DNMT3A: variants seen among roughly 807,000 people sequenced by gnomAD.
The protein encoded by DNMT3A is DNA (cytosine-5)-methyltransferase 3A.
DNMT3A carries 267 observed loss-of-function variants against 117.6 expected under a neutral mutation model. The ratio of observed to expected loss-of-function variants is 2.27; its 90% CI spans 2.05 to 2.51. The LOEUF is 2.51. DNMT3A is among the 30% of genes most tolerant of loss of function. DNMT3A has a pLI of 0.00. For synonymous variants in DNMT3A, 432 were observed against 474.8 expected, an observed-to-expected ratio of 0.91 and a Z score of 1.17; for missense variants, 1,029 against 1,260.2, an observed-to-expected ratio of 0.82 and a Z score of 2.78.
chr2:25,340,531 G>A (rs2035379681), intron 1 of DNMT3A, among the ~76,000 whole-genome samples: 1 of 151,998 alleles, frequency 6.6e-6, no homozygotes, highest in South Asian at 2.1e-4. Context: ...AGGGAAGGCA[G>A]GGCGGCCTGG....
chr2:25,329,024 C>T (rs1049949476), intron 1 of DNMT3A, among the ~76,000 whole-genome samples: 7 of 152,208 alleles, frequency 4.6e-5, no homozygotes, highest in Admixed American at 2.0e-4. Context: ...CCCAAAGGGT[C>T]TTCAGGGCTT....
intron 6 of DNMT3A, among the ~76,000 whole-genome samples, chr2:25,273,640 T>C (rs536784539): frequency 3.3e-5 from 5 of 152,306 alleles, no homozygotes; most frequent in Non-Finnish European, 7.3e-5. Context: ...GGCGAGTTGA[T>C]TTCCCTCCTC....
intron 1 of DNMT3A, among the ~76,000 whole-genome samples, chr2:25,323,924 TG>T (rs2034693718): frequency 6.6e-6 from 1 of 152,136 alleles, no homozygotes; most frequent in Non-Finnish European, 1.5e-5. Flanking sequence ...GGTCACACAG[TG>T]GGTAAGGGGT....
At position 25,230,329 on chromosome 2, in the gene DNMT3A, TAGGC is replaced by T. The variant is rs1227156486; in HGVS notation, c.*3946_*3949del. 4 of 152,140 alleles carry T rather than the reference TAGGC, an allele frequency of 2.6e-5. No individual in the cohort carries two copies. The highest frequency in any genetic ancestry group is 9.7e-5 in the African/African-American group (4 of 41,414). The allele number at this position is 152,140 out of a possible 1,614,324, so 9.4% of individuals were successfully genotyped here. A position where few individuals can be genotyped will look rare whatever the true frequency, so the allele number is the denominator to read the frequency against. ...GCCTGCTGGAAACTAGCTTCCTGCT[TAGGC>T]AGGAGGCCAAGGACTGTGTCCCCAG... On this transcript the variant is annotated 3_prime_UTR_variant, in exon 23 of 23. Coordinates refer to ENST00000321117, the MANE Select transcript of DNMT3A (RefSeq NM_022552.5).
chr2:25,273,667 T>C (rs1283688410), intron 6 of DNMT3A, among the ~76,000 whole-genome samples: 17 of 152,134 alleles, frequency 1.1e-4, no homozygotes, highest in Admixed American at 1.1e-3. Context: ...TCAGCCTCCA[T>C]TTTCTCACCT....
rs2033803104 is a variant in DNMT3A at position 25,306,797 on chromosome 2, T to A, written c.73-6554A>T. Among the ~76,000 whole-genome samples the A allele has an allele frequency of 6.6e-6, 1 of 152,180 alleles. No homozygotes were observed. The highest frequency in any genetic ancestry group is 2.4e-5 in the African/African-American group (1 of 41,438). ...ACCTACTGTGTACTGGATACAAAGA[T>A]AAACAAATAGGAAACTCGGTTCAGA... On this transcript the variant is annotated intron_variant, in intron 2 of 22. Coordinates refer to ENST00000321117, the MANE Select transcript of DNMT3A (RefSeq NM_022552.5). The surrounding 1 kb of genome is among the most constrained non-coding windows in gnomAD (Gnocchi z 4.1).
At chr2:25,268,415 C>T (rs2030561033) in intron 6 of DNMT3A, among the ~76,000 whole-genome samples, 2 of 152,186 alleles carry the variant, frequency 1.3e-5, no homozygotes, top group Non-Finnish European at 2.9e-5. Flanking sequence ...AGTGGCTTCC[C>T]AGGCGAGATG....
At chr2:25,277,231 T>G (rs1227430337) in intron 4 of DNMT3A, among the ~76,000 whole-genome samples, 2 of 152,196 alleles carry the variant, frequency 1.3e-5, no homozygotes, top group African/African-American at 4.8e-5. Context: ...CCATCTTGTC[T>G]GGCTCTGCCT....
chr2:25,327,912 C>T lies in DNMT3A; in HGVS notation c.-177-13751G>A, dbSNP rs933831379. On this transcript the variant is annotated intron_variant, in intron 1 of 22. Transcript: ENST00000321117. The surrounding 1 kb of genome is among the most constrained non-coding windows in gnomAD (Gnocchi z 4.1). ...CACCTTTCCCCTGGGTCCTCACATCCAGCAGGTACCTGGTCCTTGGGCTTC... is the reference window on the plus strand; with the variant it reads ...CACCTTTCCCCTGGGTCCTCACATCTAGCAGGTACCTGGTCCTTGGGCTTC... 1.3e-5 allele frequency among the ~76,000 whole-genome samples: 2 copies of T among 152,198 alleles called. No individual in the cohort carries two copies. The highest frequency in any genetic ancestry group is 2.9e-5 in the Non-Finnish European group (2 of 68,036).
intron 6 of DNMT3A, among the ~76,000 whole-genome samples, chr2:25,259,665 G>T (rs1325868442): frequency 2.0e-5 from 3 of 152,124 alleles, no homozygotes; most frequent in Admixed American, 6.5e-5. Flanking sequence ...ACTAAGGGGG[G>T]TGTGGCCAAA....
intron 4 of DNMT3A, among the ~76,000 whole-genome samples, chr2:25,280,075 TG>T: frequency 6.6e-6 from 1 of 152,268 alleles, no homozygotes; most frequent in East Asian, 1.9e-4. Flanking sequence ...AAGATCCACC[TG>T]TCTGAAAGTC....
intron 2 of DNMT3A, among the ~76,000 whole-genome samples, chr2:25,309,447 A>G (rs1229481646): frequency 1.3e-5 from 2 of 151,840 alleles, no homozygotes; most frequent in Non-Finnish European, 2.9e-5. Context: ...CTGGAGATGA[A>G]GTGCCCCCAA....
Position 25,244,560 on chromosome 2 carries a change from G to A in DNMT3A, c.1647C>T (p.Cys549=), listed in dbSNP as rs574130689. ...CTCACCTGCAGCAGTTGTTGTTTCC[G>A]CACATGAGCACCTCACGGCCCCCAC... ...ICCGGREVLM[C]GNNNCCRCFC... The change falls in exon 14 of 23, where the codon TGC becomes TGT. Residue 549 remains cysteine (C), a synonymous_variant. Coordinates refer to ENST00000321117, the MANE Select transcript of DNMT3A (RefSeq NM_022552.5). 18 of 1,614,188 alleles carry A rather than the reference G, an allele frequency of 1.1e-5. No homozygotes were observed. Among genetic ancestry groups the A allele is most frequent in the Admixed American group, 5.0e-5 (3 of 60,028 alleles).
At position 25,248,377 on chromosome 2, in the gene DNMT3A, G is replaced by A. The variant is rs887897026; in HGVS notation, c.640-125C>T. On this transcript the variant is annotated intron_variant, in intron 6 of 22. Transcript: ENST00000321117. ...GACAGAAGGTCAAGGGCTGGAGAGA[G>A]CCAACCAGCTGCCTTGCCGTGAAAA... 5 of 1,029,788 alleles carry A rather than the reference G, an allele frequency of 4.9e-6. 1 individual carries two copies. In the South Asian group the frequency reaches 6.1e-5, roughly 12 times the overall value. The allele number at this position is 1,029,788 out of a possible 1,614,324, so 63.8% of individuals were successfully genotyped here.
rs1672770731 is a variant in DNMT3A at position 25,228,884 on chromosome 2, T to G, written c.*5395A>C. 1 of 152,236 alleles carries G rather than the reference T, an allele frequency of 6.6e-6. No individual in the cohort carries two copies. Among genetic ancestry groups the G allele is most frequent in the African/African-American group, 2.4e-5 (1 of 41,448 alleles). 9.4% of individuals were successfully genotyped at this position (152,236 alleles called of 1,614,324 possible). On this transcript the variant is annotated 3_prime_UTR_variant, in exon 23 of 23. Transcript: ENST00000321117. The stretch of plus-strand genomic sequence containing the variant: ...TCTCAGGCACAGGGTTGGAGGCCGC[T>G]AGGCTGGGGCTGAGGGAGCCGCCCT...
chr2:25,283,168 G>T (rs1447154046), intron 3 of DNMT3A, among the ~76,000 whole-genome samples: 1 of 152,072 alleles, frequency 6.6e-6, no homozygotes, highest in Non-Finnish European at 1.5e-5. Context: ...TTTAAGAGCA[G>T]CCTGGCCAAC....
intron 4 of DNMT3A, among the ~76,000 whole-genome samples, chr2:25,278,632 C>G (rs572001748): frequency 1.3e-5 from 2 of 152,340 alleles, no homozygotes; most frequent in South Asian, 2.1e-4. Context: ...CCACGACCAG[C>G]CTGGCCAACA....
In DNMT3A at chr2:25,257,398, A is replaced by G. The variant is rs1676249290; in HGVS notation, c.640-9146T>C. Among the ~76,000 whole-genome samples the G allele has an allele frequency of 6.6e-6, 1 of 152,202 alleles. No individual in the cohort carries two copies. The highest frequency in any genetic ancestry group is 2.4e-5 in the African/African-American group (1 of 41,448). The stretch of plus-strand genomic sequence containing the variant: ...CATGGAAACCACCAGGACTGGGGTG[A>G]AGTACCAGCCCCTGGAAGGGAGGCC... On this transcript the variant is annotated intron_variant, in intron 6 of 22. Transcript: ENST00000321117. The surrounding 1 kb of genome is among the most constrained non-coding windows in gnomAD (Gnocchi z 4.8).
intron 3 of DNMT3A, among the ~76,000 whole-genome samples, chr2:25,295,443 G>A (rs2033033688): frequency 6.6e-6 from 1 of 152,234 alleles, no homozygotes; most frequent in South Asian, 2.1e-4. Context: ...TTAAGCAGGC[G>A]CACCTCTTTG....
Sources: allele counts gnomAD v4.1 joint callset (sites outside exome capture counted in the v4.1 genomes callset), GRCh38; gene constraint gnomAD v4.1.1; non-coding constraint Gnocchi (gnomAD v3.1); transcripts MANE v1.5; gene names NCBI Gene and HGNC (gene_info 2026-07-23, HGNC 2026-07-21).